Variants in RNFT2 observed in about 807,000 individuals in gnomAD.
RNFT2 encodes the protein E3 ubiquitin-protein ligase RNFT2.
Under a neutral mutation model 53.0 loss-of-function variants are expected in RNFT2, and 36 were observed. The ratio of observed to expected loss-of-function variants is 0.68; its 90% CI spans 0.52 to 0.90. The LOEUF is 0.90. Ranked by LOEUF, RNFT2 falls within the 40% of genes least tolerant of loss-of-function variation. The probability of loss-of-function intolerance (pLI) is 0.00; values close to 1 mark genes in which losing one functional copy is unlikely to be tolerated. For missense variants in RNFT2, 514 were observed against 585.6 expected, an observed-to-expected ratio of 0.88 and a Z score of 1.26; for synonymous variants, 260 against 253.2, an observed-to-expected ratio of 1.03 and a Z score of -0.26.
At chr12:116,826,222 T>A (rs1876327385) in intron 7 of RNFT2, among the ~76,000 whole-genome samples, 1 of 152,156 alleles carries the variant, frequency 6.6e-6, no homozygotes, top group Non-Finnish European at 1.5e-5. Context: ...TTTCGATGTT[T>A]CCCATTTCTC....
intron 10 of RNFT2, among the ~76,000 whole-genome samples, chr12:116,842,649 C>T (rs1877411328): frequency 6.6e-6 from 1 of 152,178 alleles, no homozygotes; most frequent in Non-Finnish European, 1.5e-5. Context: ...TCTTGGCTCA[C>T]TGCAACCTCT....
At chr12:116,801,554 A>C (rs1468787447) in intron 7 of RNFT2, 2 of 152,176 alleles carry the variant, frequency 1.3e-5, no homozygotes, top group African/African-American at 4.8e-5. Context: ...GCAGGACTTA[A>C]CTCATAACAC....
At chr12:116,789,438 GTAGA>G (rs143568878) in intron 7 of RNFT2, among the ~76,000 whole-genome samples, 2,419 of 143,218 alleles carry the variant, frequency 0.017, 97 homozygotes, top group African/African-American at 0.06. Context: ...TGGATGGATG[GTAGA>G]TGGATGGATG....
chr12:116,793,636 G>A (rs73405124), intron 7 of RNFT2, among the ~76,000 whole-genome samples: 15,728 of 152,076 alleles, frequency 0.1, 1,495 homozygotes, highest in African/African-American at 0.24. Context: ...AGCACCCAGC[G>A]CCTTCCTTCT....
At chr12:116,819,679 C>T (rs1449547080) in intron 7 of RNFT2, among the ~76,000 whole-genome samples, 1 of 152,190 alleles carries the variant, frequency 6.6e-6, no homozygotes, top group East Asian at 1.9e-4. Flanking sequence ...CCCGCTGGCC[C>T]CGCCTCCTAC....
chr12:116,758,969 A>T (rs1186234093), intron 5 of RNFT2, among the ~76,000 whole-genome samples: 1 of 152,074 alleles, frequency 6.6e-6, no homozygotes, highest in East Asian at 1.9e-4. Flanking sequence ...AAGCTTTCAG[A>T]ATTCTCTTCT....
chr12:116,787,961 C>A (rs1874013646), intron 7 of RNFT2, among the ~76,000 whole-genome samples: 1 of 151,770 alleles, frequency 6.6e-6, no homozygotes, highest in South Asian at 2.1e-4. Flanking sequence ...GAGTGTCGCT[C>A]TTGTTGCCCA....
Position 116,851,430 on chromosome 12 carries a change from G to C in RNFT2, c.*1982G>C. 2.8e-6 allele frequency: 1 copy of C among 353,520 alleles called. No individual in the cohort carries two copies. The highest frequency in any genetic ancestry group is 5.3e-6 in the Non-Finnish European group (1 of 188,464). 21.9% of individuals were successfully genotyped at this position (353,520 alleles called of 1,614,324 possible). ...GACATTCCAGGCATGGGGCCCAGCA[G>C]ACACGGTCTTCTAAAAGCACACGAG... On this transcript the variant is annotated 3_prime_UTR_variant, in exon 11 of 11. Transcript: ENST00000257575.
chr12:116,825,253 A>G (rs1445633425), intron 7 of RNFT2, among the ~76,000 whole-genome samples: 1 of 152,204 alleles, frequency 6.6e-6, no homozygotes, highest in Non-Finnish European at 1.5e-5. Flanking sequence ...GCTTCCCACA[A>G]ACATGGTGGC....
intron 5 of RNFT2, among the ~76,000 whole-genome samples, chr12:116,761,577 C>T (rs1872693141): frequency 1.3e-5 from 2 of 152,238 alleles, no homozygotes; most frequent in African/African-American, 4.8e-5. Flanking sequence ...GCGTGCCCGG[C>T]ACAGTACTGA....
chr12:116,810,817 C>T (rs1349155225), intron 7 of RNFT2, among the ~76,000 whole-genome samples: 1 of 152,174 alleles, frequency 6.6e-6, no homozygotes, highest in Non-Finnish European at 1.5e-5. Flanking sequence ...TTTTTGCTTC[C>T]ATTGGGGTAG....
chr12:116,818,237 C>T (rs1262140017), intron 7 of RNFT2, among the ~76,000 whole-genome samples: 2 of 151,542 alleles, frequency 1.3e-5, no homozygotes, highest in South Asian at 4.2e-4. Flanking sequence ...AGGGGAGGCT[C>T]GCTTGAGCCC....
At chr12:116,771,476 A>ATAT (rs1235812866) in intron 6 of RNFT2, among the ~76,000 whole-genome samples, 3 of 101,606 alleles carry the variant, frequency 3.0e-5, no homozygotes, top group Non-Finnish European at 7.0e-5. Flanking sequence ...AAAAAAAAAA[A>ATAT]AAAAAAAAAA....
intron 6 of RNFT2, among the ~76,000 whole-genome samples, chr12:116,775,175 G>A (rs557875588): frequency 1.0e-4 from 15 of 149,850 alleles, no homozygotes; most frequent in African/African-American, 3.4e-4. Context: ...CAGGAAAATC[G>A]CCTGAACCGG....
intron 7 of RNFT2, among the ~76,000 whole-genome samples, chr12:116,806,399 TAGATAGATAGATAG>T (rs1237989815): frequency 7.0e-6 from 1 of 143,086 alleles, no homozygotes; most frequent in Non-Finnish European, 1.5e-5. Flanking sequence ...TATATATATA[TAGATAGATAGATAG>T]ATAGATAGAT....
At chr12:116,753,270 C>A (rs1872341690) in intron 4 of RNFT2, among the ~76,000 whole-genome samples, 1 of 150,172 alleles carries the variant, frequency 6.7e-6, no homozygotes. Flanking sequence ...TGTGCCTCAG[C>A]CTCCTGGGTA....
At chr12:116,819,480 A>T (rs1019973414) in intron 7 of RNFT2, among the ~76,000 whole-genome samples, 7 of 152,010 alleles carry the variant, frequency 4.6e-5, no homozygotes, top group African/African-American at 1.7e-4. Context: ...GCGCTCGCCG[A>T]GGAGTCGATT....
intron 5 of RNFT2, among the ~76,000 whole-genome samples, chr12:116,754,469 A>C (rs1872406720): frequency 1.3e-5 from 2 of 152,172 alleles, no homozygotes; most frequent in African/African-American, 2.4e-5. Context: ...ATCTTTTTTG[A>C]ATAATGACTT....
chr12:116,778,654 A>G (rs1321012388), intron 6 of RNFT2, among the ~76,000 whole-genome samples: 1 of 152,254 alleles, frequency 6.6e-6, no homozygotes, highest in Admixed American at 6.5e-5. Context: ...GTTTGAGACC[A>G]GCCTCGCCAA....
Sources: allele counts gnomAD v4.1 joint callset (sites outside exome capture counted in the v4.1 genomes callset), GRCh38; gene constraint gnomAD v4.1.1; transcripts MANE v1.5; gene names NCBI Gene and HGNC (gene_info 2026-07-23, HGNC 2026-07-21).